IMPG1: variants seen among roughly 807,000 people sequenced by gnomAD.
IMPG1 encodes the protein interphotoreceptor matrix proteoglycan of 150 kDa.
IMPG1 carries 85 observed loss-of-function variants against 92.0 expected under a neutral mutation model. That is an observed-to-expected ratio of 0.92 (90% CI 0.78 to 1.11). IMPG1 has a LOEUF of 1.11. IMPG1 is among the 50% of genes least tolerant of loss of function. IMPG1 has a pLI of 0.00. For missense variants in IMPG1, 1,022 were observed against 956.0 expected (o/e 1.07, Z -0.91); for synonymous variants, 367 against 334.1 (o/e 1.10, Z -1.08).
intron 1 of IMPG1, among the ~76,000 whole-genome samples, chr6:76,053,199 T>G (rs753565426): frequency 6.6e-6 from 1 of 152,204 alleles, no homozygotes; most frequent in Non-Finnish European, 1.5e-5. Context: ...CAGGTTACCA[T>G]AAGAGAATCT....
intron 1 of IMPG1, among the ~76,000 whole-genome samples, chr6:76,058,985 G>A (rs1470669204): frequency 6.6e-6 from 1 of 152,124 alleles, no homozygotes; most frequent in Non-Finnish European, 1.5e-5. Flanking sequence ...ATAGGACTTA[G>A]GATTTATGTG....
intron 12 of IMPG1, among the ~76,000 whole-genome samples, chr6:76,000,314 A>T (rs1440143206): frequency 6.6e-6 from 1 of 152,242 alleles, no homozygotes; most frequent in Non-Finnish European, 1.5e-5. Context: ...TTTAAGGTAA[A>T]TGATTCAGTG....
chr6:75,950,842 A>G lies in IMPG1; in HGVS notation c.1544T>C (p.Met515Thr). The G allele has an allele frequency of 6.2e-7, 1 of 1,613,960 alleles. No individual in the cohort carries two copies. The highest frequency in any genetic ancestry group is 8.5e-7 in the Non-Finnish European group (1 of 1,179,938). The change falls in exon 13 of 17, where the codon ATG (methionine) becomes ACG (threonine). Residue 515 changes from methionine (M) to threonine (T), a missense_variant. By Grantham distance (81) the Met-to-Thr change is moderately conservative. Around this residue, in one of 3 missense-constraint regions of IMPG1, gnomAD observed 332 missense variants for 346.2 expected, o/e 0.96. Transcript: ENST00000369950. ...ATCCATTTCATCTAGGTGTCTGACC[A>G]TATCTTCGCCACCTGCACTTGATCG... ...DSRSSAGGEDMVRHLDEMDLS... is the reference protein window; with the variant it reads ...DSRSSAGGEDTVRHLDEMDLS...
intron 12 of IMPG1, among the ~76,000 whole-genome samples, chr6:75,986,025 C>T (rs1020233846): frequency 5.9e-5 from 9 of 152,160 alleles, no homozygotes; most frequent in Admixed American, 5.9e-4. Context: ...CTGCTCCTGT[C>T]ACAAAATAGT....
At chr6:76,065,064 T>C (rs1249972171) in intron 1 of IMPG1, among the ~76,000 whole-genome samples, 1 of 151,906 alleles carries the variant, frequency 6.6e-6, no homozygotes, top group Non-Finnish European at 1.5e-5. Flanking sequence ...ACAACATACA[T>C]TATAGTTACA....
chr6:75,936,342 G>T (rs1459080033), intron 14 of IMPG1, among the ~76,000 whole-genome samples: 1 of 152,200 alleles, frequency 6.6e-6, no homozygotes, highest in Non-Finnish European at 1.5e-5. Context: ...GTGATTCAAA[G>T]AAATCTTAAA....
intron 7 of IMPG1, among the ~76,000 whole-genome samples, chr6:76,017,198 A>G (rs1783305626): frequency 6.7e-6 from 1 of 148,474 alleles, no homozygotes; most frequent in Non-Finnish European, 1.5e-5. Context: ...TGAGGCTCAA[A>G]AAAAAAAAAA....
chr6:75,987,196 G>C (rs1032456777), intron 12 of IMPG1, among the ~76,000 whole-genome samples: 2 of 151,998 alleles, frequency 1.3e-5, no homozygotes, highest in Non-Finnish European at 2.9e-5. Flanking sequence ...TCAGTGAAAA[G>C]ATTGACCTGA....
intron 13 of IMPG1, among the ~76,000 whole-genome samples, chr6:75,948,166 G>A (rs1781959813): frequency 6.6e-6 from 1 of 152,124 alleles, no homozygotes; most frequent in South Asian, 2.1e-4. Context: ...GTACCTCAGG[G>A]CCCTTATCTG....
At chr6:76,068,604 C>A (rs1353108656) in intron 1 of IMPG1, among the ~76,000 whole-genome samples, 1 of 151,114 alleles carries the variant, frequency 6.6e-6, no homozygotes, top group African/African-American at 2.4e-5. Flanking sequence ...AATTTCCACC[C>A]CTGTTGAGTT....
In IMPG1 at chr6:75,950,686, G is replaced by T. The variant is rs745882876; in HGVS notation, c.1700C>A (p.Ala567Asp). 2 of 1,613,778 alleles carry T rather than the reference G, an allele frequency of 1.2e-6. No individual in the cohort carries two copies. Among genetic ancestry groups the T allele is most frequent in the East Asian group, 2.2e-5 (1 of 44,894 alleles). The stretch of plus-strand genomic sequence containing the variant: ...CACTACCAGCTCTCGGCCCTTGGGG[G>T]CAATGGTCATAGAACTAGTGGTGAT... ...QYITTSSMTIAPKGRELVVFF... is the reference protein window; with the variant it reads ...QYITTSSMTIDPKGRELVVFF... Residue 567 changes from alanine to aspartate, a missense_variant, in exon 13 of 17, where the codon GCC becomes GAC. By Grantham distance (126) the Ala-to-Asp change is moderately radical. Transcript: ENST00000369950.
Position 76,019,685 on chromosome 6 carries a change from CA to C in IMPG1, c.667-828del, listed in dbSNP as rs1344228956. 5.3e-5 allele frequency among the ~76,000 whole-genome samples: 8 copies of C among 152,044 alleles called. No homozygotes were observed. The South Asian group carries it at 1.7e-3, about 32-fold the overall frequency. On this transcript the variant is annotated intron_variant, in intron 6 of 16. Transcript: ENST00000369950. Reference sequence around the variant, plus strand: ...TTTGTTTAAAAGACTTTCATTCATTCAAAAAAACACACATTGAGCATCTGTA... The same window carrying C: ...TTTGTTTAAAAGACTTTCATTCATTCAAAAAACACACATTGAGCATCTGTA...
intron 1 of IMPG1, among the ~76,000 whole-genome samples, chr6:76,051,892 AC>A (rs1178758441): frequency 2.0e-5 from 3 of 152,028 alleles, no homozygotes; most frequent in Admixed American, 1.3e-4. Context: ...ACCTTGGCAA[AC>A]CCTTACAAGA....
chr6:75,956,811 T>G (rs942720878), intron 12 of IMPG1, among the ~76,000 whole-genome samples: 1 of 152,254 alleles, frequency 6.6e-6, no homozygotes, highest in Admixed American at 6.5e-5. Flanking sequence ...CTCATTGGTT[T>G]CAAAGAACTT....
At chr6:75,924,703 T>TGATATATC (rs1554226551) in intron 15 of IMPG1, among the ~76,000 whole-genome samples, 1 of 4,334 alleles carries the variant, frequency 2.3e-4, no homozygotes, top group African/African-American at 1.1e-3. Flanking sequence ...AATAATTATA[T>TGATATATC]ATAATATATA....
At chr6:76,072,372 G>T (rs200056446) in intron 1 of IMPG1, 50 bp downstream of exon 1, 2 of 997,752 alleles carry the variant, frequency 2.0e-6, no homozygotes, top group Non-Finnish European at 3.1e-6. Flanking sequence ...CACTTCTATC[G>T]GTAGATTTTA....
At position 75,973,334 on chromosome 6, in the gene IMPG1, G is replaced by A. The variant is rs184896347; in HGVS notation, c.1292-22240C>T. Among the ~76,000 whole-genome samples the A allele has an allele frequency of 1.7e-3, 259 of 148,584 alleles. 3 individuals carry two copies. The highest frequency in any genetic ancestry group is 1.9e-3 in the Non-Finnish European group (127 of 67,426). On this transcript the variant is annotated intron_variant, in intron 12 of 16. Coordinates refer to ENST00000369950, the MANE Select transcript of IMPG1 (RefSeq NM_001563.4). ...TGATCTTTCTGTATATCCAAGAGTA[G>A]AAGGAGAGGAAAATGGCATTGGATT...
In IMPG1 at chr6:75,922,009, T is replaced by C; in HGVS notation, c.*80A>G. On this transcript the variant is annotated 3_prime_UTR_variant, in exon 17 of 17. Transcript: ENST00000369950. ...TGTCTGGATTTTGATGACCCATGAA[T>C]ATGCCTGTCTCCATTTTCCTTGAGA... 1 of 702,252 alleles carries C rather than the reference T, an allele frequency of 1.4e-6. No individual in the cohort carries two copies. Among genetic ancestry groups the C allele is most frequent in the Non-Finnish European group, 2.6e-6 (1 of 383,798 alleles). The allele number at this position is 702,252 out of a possible 1,614,324, so 43.5% of individuals were successfully genotyped here. A position where few individuals can be genotyped will look rare whatever the true frequency, so the allele number is the denominator to read the frequency against.
chr6:76,058,566 C>A (rs1210176239), intron 1 of IMPG1, among the ~76,000 whole-genome samples: 1 of 152,122 alleles, frequency 6.6e-6, no homozygotes, highest in East Asian at 1.9e-4. Context: ...TAGTAAGTGG[C>A]AGAGCTGTTC....
Sources: gnomAD v4.1 joint callset for allele counts (sites outside exome capture counted in the v4.1 genomes callset) on GRCh38, gnomAD v4.1.1 for gene constraint, gnomAD v4.1.1 regional missense constraint, MANE v1.5 for transcripts, NCBI Gene and HGNC (gene_info 2026-07-23, HGNC 2026-07-21) for gene names.